SYNE2: variants seen among roughly 807,000 people sequenced by gnomAD.
The protein encoded by SYNE2 is nesprin-2.
SYNE2 carries 431 observed loss-of-function variants against 856.3 expected under a neutral mutation model. That is an observed-to-expected ratio of 0.50 (90% confidence interval 0.47 to 0.55). SYNE2 has a LOEUF of 0.55. Among genes scored for constraint, SYNE2 ranks in the 20% least tolerant of loss-of-function variants. SYNE2 has a pLI of 0.00. For missense variants in SYNE2, 8,129 were observed against 8,023.2 expected (o/e 1.01, Z -0.50); for synonymous variants, 2,923 against 2,872.3 (o/e 1.02, Z -0.56).
In SYNE2 at chr14:64,065,420, T is replaced by C. The variant is rs768828479; in HGVS notation, c.10213-12T>C. On this transcript the variant is annotated splice_polypyrimidine_tract_variant and intron_variant, in intron 50 of 115. Transcript: ENST00000555002. ...GTATGTCCCTCTTATTTTTTTTCTT[T>C]TCTTTCTTAAGGCCTTGGTGTCAAA... 15 of 1,613,224 alleles carry C rather than the reference T, an allele frequency of 9.3e-6. No individual in the cohort carries two copies. The South Asian group carries it at 1.6e-4, about 18-fold the overall frequency.
chr14:63,793,219 C>G (rs1247810760), intron 1 of SYNE2, among the ~76,000 whole-genome samples: 1 of 152,144 alleles, frequency 6.6e-6, no homozygotes, highest in East Asian at 1.9e-4. Context: ...ACACAGCCAC[C>G]TTGGCACAAA....
At chr14:64,025,962 A>T (rs1199601739) in intron 41 of SYNE2, among the ~76,000 whole-genome samples, 1 of 152,194 alleles carries the variant, frequency 6.6e-6, no homozygotes, top group African/African-American at 2.4e-5. Context: ...ATCACTAGAT[A>T]AAAATACAGG....
intron 93 of SYNE2, among the ~76,000 whole-genome samples, 198 bp from the exon 94 acceptor site, chr14:64,170,030 G>C (rs2098403070): frequency 6.6e-6 from 1 of 152,134 alleles, no homozygotes; most frequent in Non-Finnish European, 1.5e-5. Flanking sequence ...GATACCTTCT[G>C]CTAAACTCAG....
intron 1 of SYNE2, among the ~76,000 whole-genome samples, chr14:63,816,337 C>G (rs1432660199): frequency 6.6e-6 from 1 of 152,126 alleles, no homozygotes; most frequent in African/African-American, 2.4e-5. Flanking sequence ...GTGGACTGAA[C>G]TATTCCCCAA....
At chr14:64,128,061 G>T (rs1408552310) in intron 73 of SYNE2, among the ~76,000 whole-genome samples, 2 of 152,202 alleles carry the variant, frequency 1.3e-5, no homozygotes, top group Non-Finnish European at 2.9e-5. Flanking sequence ...AGGGATATGT[G>T]AATTCTGTCT....
At chr14:64,129,529 C>T (rs192546883) in intron 74 of SYNE2, among the ~76,000 whole-genome samples, 8 of 152,184 alleles carry the variant, frequency 5.3e-5, no homozygotes, top group South Asian at 2.1e-4. Context: ...GAATGCTAAC[C>T]GCAGGACAGA....
intron 94 of SYNE2, among the ~76,000 whole-genome samples, chr14:64,171,916 T>C (rs982470410): frequency 6.6e-6 from 1 of 152,176 alleles, no homozygotes; most frequent in Non-Finnish European, 1.5e-5. Flanking sequence ...AGTGTTGCGA[T>C]CTTGGCTCAC....
intron 1 of SYNE2, among the ~76,000 whole-genome samples, chr14:63,883,572 T>C (rs1185628862): frequency 6.6e-6 from 1 of 152,098 alleles, no homozygotes; most frequent in African/African-American, 2.4e-5. Flanking sequence ...TCCAGGCTGG[T>C]CTTGAACTCC....
intron 44 of SYNE2, 63 bp from the exon 45 acceptor site, chr14:64,030,953 C>T (rs1168872757): frequency 1.6e-6 from 2 of 1,266,696 alleles, no homozygotes; most frequent in East Asian, 2.3e-5. Flanking sequence ...CTGTGATTTA[C>T]AAAAGTCAAT....
intron 18 of SYNE2, 124 bp downstream of exon 18, chr14:63,984,010 A>C: frequency 1.5e-6 from 1 of 685,072 alleles, no homozygotes; most frequent in Non-Finnish European, 2.4e-6. Context: ...GGGAGGACAA[A>C]ACAGGTGGAT....
At chr14:63,814,548 C>A (rs1380551125) in intron 1 of SYNE2, among the ~76,000 whole-genome samples, 1 of 134,586 alleles carries the variant, frequency 7.4e-6, no homozygotes, top group Non-Finnish European at 1.5e-5. Context: ...ATATATATAT[C>A]CATTATATAT....
chr14:64,156,238 A>G (rs1261316515), intron 85 of SYNE2, among the ~76,000 whole-genome samples: 2 of 152,272 alleles, frequency 1.3e-5, no homozygotes, highest in East Asian at 3.9e-4. Context: ...TTAAGGTGCT[A>G]GAAGTTCCAC....
chr14:63,864,884 A>G (rs547563204), intron 1 of SYNE2, among the ~76,000 whole-genome samples: 1 of 152,204 alleles, frequency 6.6e-6, no homozygotes, highest in Non-Finnish European at 1.5e-5. Context: ...GATCTTGAGT[A>G]ATACTCCGTG....
rs1025037573 is a variant in SYNE2 at position 63,937,281 on chromosome 14, T to C, written c.80-3333T>C. Among the ~76,000 whole-genome samples the C allele has an allele frequency of 3.9e-5, 6 of 152,330 alleles. No individual in the cohort carries two copies. In the East Asian group the frequency reaches 7.7e-4, roughly 20 times the overall value. ...GCAAAGGAGCAGACAAATGAAGCGA[T>C]GGCTGGTTGGGAACTGGCGTCAAGA... On this transcript the variant is annotated intron_variant, in intron 2 of 115. Transcript: ENST00000555002.
intron 65 of SYNE2, among the ~76,000 whole-genome samples, chr14:64,112,152 C>G (rs776473086): frequency 6.6e-6 from 1 of 152,162 alleles, no homozygotes; most frequent in Non-Finnish European, 1.5e-5. Context: ...TTTGTTCGCT[C>G]TTTTACACTG....
At chr14:64,163,630 C>A in intron 89 of SYNE2, 49 bp downstream of exon 89, 1 of 1,603,780 alleles carries the variant, frequency 6.2e-7, no homozygotes, top group East Asian at 2.2e-5. Context: ...ATTTGCATTC[C>A]ATCCTCAATC....
chr14:64,222,118 T>G (rs1399016734), intron 112 of SYNE2, among the ~76,000 whole-genome samples: 1 of 152,206 alleles, frequency 6.6e-6, no homozygotes, highest in Admixed American at 6.5e-5. Flanking sequence ...AGTCGTGTCC[T>G]GGTGTATTTG....
intron 52 of SYNE2, among the ~76,000 whole-genome samples, chr14:64,072,554 C>T (rs1313929976): frequency 6.6e-6 from 1 of 151,188 alleles, no homozygotes; most frequent in Non-Finnish European, 1.5e-5. Flanking sequence ...GGCTGGAGTA[C>T]AATAGCATGA....
intron 8 of SYNE2, among the ~76,000 whole-genome samples, chr14:63,958,854 C>G (rs992015325): frequency 6.6e-6 from 1 of 152,188 alleles, no homozygotes; most frequent in Non-Finnish European, 1.5e-5. Context: ...TAATGCAATA[C>G]TACTTCGTTT....
Sources: allele counts gnomAD v4.1 joint callset (sites outside exome capture counted in the v4.1 genomes callset), GRCh38; gene constraint gnomAD v4.1.1; transcripts MANE v1.5; gene names NCBI Gene and HGNC (gene_info 2026-07-23, HGNC 2026-07-21).